Variants in PTPRD observed in about 807,000 individuals in gnomAD.
PTPRD encodes the protein receptor-type tyrosine-protein phosphatase delta.
PTPRD carries 34 observed loss-of-function variants against 214.5 expected under a neutral mutation model. The observed-to-expected ratio is 0.16, with a 90% CI of 0.12 to 0.21. The LOEUF (loss-of-function observed/expected upper bound fraction) is 0.21, where lower values mean the gene tolerates loss of function less well. PTPRD is among the 10% of genes least tolerant of loss of function. The probability of loss-of-function intolerance (pLI) is 1.00; values close to 1 mark genes in which losing one functional copy is unlikely to be tolerated. For missense variants in PTPRD, 2,545 were observed against 2,398.7 expected (o/e 1.06, Z -1.27); for synonymous variants, 1,128 against 845.7 (o/e 1.33, Z -5.79).
intron 3 of PTPRD, among the ~76,000 whole-genome samples, chr9:10,113,122 G>T (rs576049484): frequency 6.6e-6 from 1 of 152,156 alleles, no homozygotes; most frequent in Non-Finnish European, 1.5e-5. Flanking sequence ...TGTCAGCAGC[G>T]TTTTGAGAGG....
chr9:9,727,473 T>C (rs2154437553), intron 7 of PTPRD, among the ~76,000 whole-genome samples: 1 of 152,174 alleles, frequency 6.6e-6, no homozygotes, highest in Admixed American at 6.6e-5. Context: ...AATGAAAATA[T>C]CTTCATAAAA....
chr9:8,648,799 A>G (rs1201493281), intron 12 of PTPRD, among the ~76,000 whole-genome samples: 3 of 152,206 alleles, frequency 2.0e-5, no homozygotes. Context: ...TTTAATATAG[A>G]CACACTATTT....
intron 7 of PTPRD, among the ~76,000 whole-genome samples, chr9:9,625,731 G>A (rs2095406714): frequency 6.6e-6 from 1 of 152,100 alleles, no homozygotes; most frequent in Non-Finnish European, 1.5e-5. Context: ...AGGCCATTAT[G>A]GGAAGTTTCT....
chr9:9,976,335 A>G (rs150455315), intron 4 of PTPRD, among the ~76,000 whole-genome samples: 2,516 of 152,154 alleles, frequency 0.017, 31 homozygotes, highest in Non-Finnish European at 0.027. Context: ...CAAAAAATAT[A>G]CTTTGTCACC....
intron 5 of PTPRD, among the ~76,000 whole-genome samples, chr9:9,898,947 C>A (rs932157751): frequency 1.3e-5 from 2 of 152,166 alleles, no homozygotes; most frequent in East Asian, 3.9e-4. Context: ...AAAAACAAAG[C>A]TGTCTTTATT....
At chr9:9,220,488 T>C (rs1335642875) in intron 9 of PTPRD, among the ~76,000 whole-genome samples, 8 of 152,030 alleles carry the variant, frequency 5.3e-5, no homozygotes, top group Admixed American at 2.0e-4. Flanking sequence ...CCTTTGTGCA[T>C]TGGGGATATA....
chr9:9,619,798 G>C (rs2095131170), intron 7 of PTPRD, among the ~76,000 whole-genome samples: 1 of 145,034 alleles, frequency 6.9e-6, no homozygotes, highest in Non-Finnish European at 1.5e-5. Flanking sequence ...TATCTATATA[G>C]AAATACATTT....
At chr9:9,789,753 C>A (rs934074958) in intron 5 of PTPRD, among the ~76,000 whole-genome samples, 4 of 120,576 alleles carry the variant, frequency 3.3e-5, no homozygotes, top group African/African-American at 1.3e-4. Flanking sequence ...GCCGAGATTG[C>A]GCCACTGCAC....
intron 7 of PTPRD, among the ~76,000 whole-genome samples, chr9:9,646,330 T>G (rs1426993213): frequency 6.7e-6 from 1 of 149,392 alleles, no homozygotes; most frequent in Non-Finnish European, 1.5e-5. Flanking sequence ...TGTGTGTGTG[T>G]GTGTGTGTGT....
At chr9:9,088,581 GAAAAAAAAAAAAA>G (rs533619970) in intron 10 of PTPRD, among the ~76,000 whole-genome samples, 5 of 33,032 alleles carry the variant, frequency 1.5e-4, no homozygotes, top group Non-Finnish European at 3.0e-4. Context: ...CTTAGTCTCA[GAAAAAAAAAAAAA>G]AAAAAAAAAA....
intron 30 of PTPRD, among the ~76,000 whole-genome samples, chr9:8,482,436 G>T (rs975507417): frequency 6.6e-6 from 1 of 151,738 alleles, no homozygotes; most frequent in South Asian, 2.1e-4. Flanking sequence ...TCTCTATGGC[G>T]CTCCCATCTA....
intron 30 of PTPRD, among the ~76,000 whole-genome samples, chr9:8,473,666 G>C (rs1458857300): frequency 2.6e-5 from 4 of 151,762 alleles, no homozygotes; most frequent in African/African-American, 4.8e-5. Flanking sequence ...TTCATACTTT[G>C]AGTTGCCATT....
intron 12 of PTPRD, among the ~76,000 whole-genome samples, chr9:8,702,479 G>A (rs945598065): frequency 2.0e-5 from 3 of 152,152 alleles, no homozygotes. Context: ...CCTGTCTTCA[G>A]AAAGCTCCAG....
At chr9:9,435,135 T>C (rs1354564170) in intron 8 of PTPRD, among the ~76,000 whole-genome samples, 1 of 152,082 alleles carries the variant, frequency 6.6e-6, no homozygotes, top group East Asian at 1.9e-4. Context: ...ATTATTTCTA[T>C]TATCATTATT....
At chr9:8,368,413 G>A (rs1213297218) in intron 39 of PTPRD, among the ~76,000 whole-genome samples, 4 of 152,096 alleles carry the variant, frequency 2.6e-5, no homozygotes, top group Middle Eastern at 3.2e-3. Context: ...GGCACGAAAT[G>A]GGAACAGGAT....
intron 10 of PTPRD, among the ~76,000 whole-genome samples, chr9:9,152,928 GC>G: frequency 6.6e-6 from 1 of 152,188 alleles, no homozygotes; most frequent in East Asian, 1.9e-4. Flanking sequence ...TCTTTCTTTG[GC>G]CCAGTACTGA....
chr9:10,489,296 G>T (rs1029930748), intron 2 of PTPRD, among the ~76,000 whole-genome samples: 4 of 152,088 alleles, frequency 2.6e-5, no homozygotes, highest in Non-Finnish European at 5.9e-5. Flanking sequence ...ACCCTGACTG[G>T]CACCTTATCC....
At chr9:10,584,701 A>G (rs1260572090) in intron 2 of PTPRD, among the ~76,000 whole-genome samples, 1 of 152,202 alleles carries the variant, frequency 6.6e-6, no homozygotes, top group Non-Finnish European at 1.5e-5. Flanking sequence ...CAGTAGAAAT[A>G]AGTCGCTGAG....
chr9:9,869,692 G>A (rs118109279), intron 5 of PTPRD, among the ~76,000 whole-genome samples: 2,514 of 152,042 alleles, frequency 0.017, 30 homozygotes, highest in Middle Eastern at 0.044. Context: ...TGGTTTAAAT[G>A]TCATCAAGAG....
Sources: gnomAD v4.1 joint callset for allele counts (sites outside exome capture counted in the v4.1 genomes callset) on GRCh38, gnomAD v4.1.1 for gene constraint, MANE v1.5 for transcripts, NCBI Gene and HGNC (gene_info 2026-07-23, HGNC 2026-07-21) for gene names.